Variants in CYP2C19 observed in about 807,000 individuals in gnomAD.
CYP2C19 encodes cytochrome P450 2C19.
A neutral mutation model predicts 40.9 loss-of-function variants in CYP2C19; 59 were observed. That is an observed-to-expected ratio of 1.44 (90% CI 1.17 to 1.79). The LOEUF is 1.79. Among genes scored for constraint, CYP2C19 ranks in the 40% most tolerant of loss-of-function variants. The pLI is 0.00. For missense variants in CYP2C19, 754 were observed against 596.9 expected, an observed-to-expected ratio of 1.26 and a Z score of -2.74; for synonymous variants, 253 against 208.7, an observed-to-expected ratio of 1.21 and a Z score of -1.83.
chr10:94,847,865 T>A (rs770271986), intron 7 of CYP2C19, among the ~76,000 whole-genome samples: 1 of 152,238 alleles, frequency 6.6e-6, no homozygotes, highest in African/African-American at 2.4e-5. Flanking sequence ...TTTGGCTGCA[T>A]AAATGTCTTC....
chr10:94,822,540 T>C (rs772016714), intron 6 of CYP2C19, among the ~76,000 whole-genome samples: 11 of 152,092 alleles, frequency 7.2e-5, no homozygotes, highest in Non-Finnish European at 1.0e-4. Flanking sequence ...AACATATTGG[T>C]GTGTGTGTCT....
At chr10:94,805,993 G>A (rs1157173923) in intron 5 of CYP2C19, among the ~76,000 whole-genome samples, 8 of 152,170 alleles carry the variant, frequency 5.3e-5, no homozygotes, top group Admixed American at 3.3e-4. Flanking sequence ...GTCCAGAGAC[G>A]TGGATGATGT....
Position 94,852,843 on chromosome 10 carries a change from G to A in CYP2C19, c.1402G>A (p.Asp468Asn). ...LKSLIDPKDLDTTPVVNGFAS... is the reference protein window; with the variant it reads ...LKSLIDPKDLNTTPVVNGFAS... ...ATCTCTGATTGACCCAAAGGACCTT[G>A]ACACAACTCCTGTTGTCAATGGATT... The change falls in exon 9 of 9, where the codon GAC (aspartate) becomes AAC (asparagine). Residue 468 changes from aspartate to asparagine, a missense_variant. Asp to Asn is a conservative substitution (Grantham distance 23). Coordinates refer to ENST00000371321, the MANE Select transcript of CYP2C19 (RefSeq NM_000769.4). 6.2e-7 allele frequency: 1 copy of A among 1,614,024 alleles called. No individual in the cohort carries two copies. Among genetic ancestry groups the A allele is most frequent in the Non-Finnish European group, 8.5e-7 (1 of 1,179,974 alleles).
At chr10:94,780,765 C>T in intron 4 of CYP2C19, 106 bp downstream of exon 4, 2 of 1,263,670 alleles carry the variant, frequency 1.6e-6, no homozygotes, top group Admixed American at 2.0e-5. Context: ...TTGAATACTA[C>T]AGTCTTGCCT....
chr10:94,772,144 T>C (rs1358794019), intron 1 of CYP2C19, among the ~76,000 whole-genome samples: 1 of 152,112 alleles, frequency 6.6e-6, no homozygotes. Flanking sequence ...TCTCCAGAGT[T>C]GGAAGTGTGA....
intron 5 of CYP2C19, among the ~76,000 whole-genome samples, chr10:94,799,238 AT>A (rs1848731299): frequency 6.6e-6 from 1 of 151,928 alleles, no homozygotes; most frequent in African/African-American, 2.4e-5. Context: ...TCTATAAAGG[AT>A]TTTATTTCTC....
intron 5 of CYP2C19, among the ~76,000 whole-genome samples, chr10:94,795,067 C>T (rs2134248608): frequency 6.6e-6 from 1 of 151,714 alleles, no homozygotes; most frequent in South Asian, 2.1e-4. Context: ...AGGTTTGTTA[C>T]ATATGTATAC....
At chr10:94,785,556 A>G (rs1019734054) in intron 5 of CYP2C19, among the ~76,000 whole-genome samples, 1 of 152,154 alleles carries the variant, frequency 6.6e-6, no homozygotes, top group Non-Finnish European at 1.5e-5. Context: ...ACTTTTGATT[A>G]TTATACTTTG....
At chr10:94,830,016 A>T (rs1356288199) in intron 6 of CYP2C19, among the ~76,000 whole-genome samples, 1 of 152,238 alleles carries the variant, frequency 6.6e-6, no homozygotes, top group Non-Finnish European at 1.5e-5. Flanking sequence ...GCGCATTCTC[A>T]GATCTCCAGC....
chr10:94,809,908 G>A (rs1037208027), intron 5 of CYP2C19, among the ~76,000 whole-genome samples: 1 of 152,084 alleles, frequency 6.6e-6, no homozygotes, highest in Non-Finnish European at 1.5e-5. Context: ...TTGAGACAGA[G>A]TCTTGCCCTG....
intron 7 of CYP2C19, among the ~76,000 whole-genome samples, chr10:94,845,596 T>C (rs1849561790): frequency 6.6e-6 from 1 of 152,186 alleles, no homozygotes; most frequent in African/African-American, 2.4e-5. Context: ...AATTTTTTTG[T>C]TTTAGCTCTT....
chr10:94,778,105 G>A (rs1848434426), intron 3 of CYP2C19, among the ~76,000 whole-genome samples: 1 of 152,112 alleles, frequency 6.6e-6, no homozygotes, highest in Non-Finnish European at 1.5e-5. Flanking sequence ...CGAGAAGCTG[G>A]AGCTGCATGT....
At chr10:94,799,269 T>C (rs1475444489) in intron 5 of CYP2C19, among the ~76,000 whole-genome samples, 1 of 152,124 alleles carries the variant, frequency 6.6e-6, no homozygotes, top group East Asian at 1.9e-4. Context: ...CGAGGCTTAG[T>C]TTGGCTGGAT....
At chr10:94,816,548 T>G (rs1479853739) in intron 5 of CYP2C19, among the ~76,000 whole-genome samples, 2 of 152,078 alleles carry the variant, frequency 1.3e-5, no homozygotes, top group Non-Finnish European at 2.9e-5. Context: ...TTTTAATTTT[T>G]ACAAAAACAT....
At chr10:94,781,800 T>G in intron 4 of CYP2C19, 21 bp from the exon 5 acceptor site, 23 of 1,308,150 alleles carry the variant, frequency 1.8e-5, no homozygotes, top group Non-Finnish European at 2.2e-5. Flanking sequence ...TTTAATTTAA[T>G]AAATTATTGT....
chr10:94,840,507 T>A (rs1341058918), intron 6 of CYP2C19, among the ~76,000 whole-genome samples: 1 of 151,988 alleles, frequency 6.6e-6, no homozygotes, highest in East Asian at 1.9e-4. Context: ...CTAGAGGAAA[T>A]GAAAGTCTGA....
chr10:94,830,214 G>C lies in CYP2C19; in HGVS notation c.961+9577G>C, dbSNP rs576730286. Among the ~76,000 whole-genome samples, 458 of 152,304 alleles carry C rather than the reference G, an allele frequency of 3.0e-3. 2 individuals are homozygous for C. The highest frequency in any genetic ancestry group is 0.011 in the African/African-American group (438 of 41,560). On this transcript the variant is annotated intron_variant, in intron 6 of 8. Transcript: ENST00000371321. ...CCAGCTTCCTGGCTGCTTTGTTTAC[G>C]TAATCAAGCATGGGCAATGGCGGGC...
intron 1 of CYP2C19, among the ~76,000 whole-genome samples, chr10:94,764,971 T>A (rs1848220656): frequency 6.6e-6 from 1 of 152,112 alleles, no homozygotes; most frequent in Non-Finnish European, 1.5e-5. Context: ...GATTGGTTAG[T>A]GTAAAAATTA....
chr10:94,827,578 G>C (rs966564320), intron 6 of CYP2C19, among the ~76,000 whole-genome samples: 2 of 151,890 alleles, frequency 1.3e-5, no homozygotes, highest in South Asian at 4.2e-4. Flanking sequence ...TCTTGCTAGT[G>C]GTCTATCAAT....
Sources: allele counts gnomAD v4.1 joint callset (sites outside exome capture counted in the v4.1 genomes callset), GRCh38; gene constraint gnomAD v4.1.1; transcripts MANE v1.5; gene names NCBI Gene and HGNC (gene_info 2026-07-23, HGNC 2026-07-21).